CELA3B: variants seen among roughly 807,000 people sequenced by gnomAD.
CELA3B encodes chymotrypsin-like elastase family member 3B.
In CELA3B, 34 loss-of-function variants were observed where a neutral mutation model predicts 37.2. The ratio of observed to expected loss-of-function variants is 0.91; its 90% CI spans 0.70 to 1.22. The LOEUF (loss-of-function observed/expected upper bound fraction) is 1.22. Among genes scored for constraint, CELA3B ranks in the 50% most tolerant of loss-of-function variants. The pLI is 0.00. For missense variants in CELA3B, 340 were observed against 363.1 expected (o/e 0.94, Z 0.52); for synonymous variants, 127 against 143.5 (o/e 0.89, Z 0.82).
chr1:21,982,347 C>A (rs1644810768), intron 4 of CELA3B, among the ~76,000 whole-genome samples: 1 of 152,128 alleles, frequency 6.6e-6, no homozygotes, highest in African/African-American at 2.4e-5. Flanking sequence ...GTAATCCCAG[C>A]ACTGCCGGAG....
At chr1:21,987,890 A>G (rs577202039) in intron 7 of CELA3B, 1 of 151,876 alleles carries the variant, frequency 6.6e-6, no homozygotes, top group Admixed American at 6.5e-5. Context: ...CAAGGATGAC[A>G]TGCAAAGTCA....
In CELA3B at chr1:21,977,055, C is replaced by T; in HGVS notation, c.16C>T (p.Leu6Phe). 1 of 1,614,182 alleles carries T rather than the reference C, an allele frequency of 6.2e-7. No homozygotes were observed. Among genetic ancestry groups the T allele is most frequent in the Non-Finnish European group, 8.5e-7 (1 of 1,180,040 alleles). Reference protein sequence around the residue: MMLRLLSSLLLVAVAS... With the variant: MMLRLFSSLLLVAVAS... ...CGCAAAACTCATGATGCTCCGGCTG[C>T]TCAGTTCCCTCCTCCTTGTGGCCGT... Residue 6 changes from leucine (L) to phenylalanine (F), a missense_variant, in exon 1 of 8, where the codon CTC becomes TTC. Physicochemically the swap from Leu to Phe is conservative, Grantham distance 22. Transcript: ENST00000337107.
downstream of CELA3B, among the ~76,000 whole-genome samples, chr1:21,992,714 G>T (rs535884770): frequency 1.9e-4 from 29 of 151,474 alleles, 1 homozygote; most frequent in African/African-American, 6.8e-4. Context: ...GGTGGCTCAT[G>T]CCTATAATCC....
At chr1:21,990,886 ACT>A (rs2152817608), downstream of CELA3B, among the ~76,000 whole-genome samples, 2 of 63,540 alleles carry the variant, frequency 3.1e-5, no homozygotes, top group Admixed American at 1.3e-4. Flanking sequence ...ACAGAGCAAG[ACT>A]CTGTCTGAAA....
At chr1:21,985,205 C>G (rs1644830583) in intron 6 of CELA3B, among the ~76,000 whole-genome samples, 1 of 151,832 alleles carries the variant, frequency 6.6e-6, no homozygotes, top group African/African-American at 2.4e-5. Context: ...ATTGTTTGAG[C>G]CTGGGAGTTC....
downstream of CELA3B, among the ~76,000 whole-genome samples, chr1:21,990,145 G>A (rs1355675710): frequency 1.4e-5 from 2 of 145,668 alleles, no homozygotes; most frequent in Non-Finnish European, 1.5e-5. Context: ...TGGGGGAACC[G>A]CCCTATGATT....
chr1:21,987,354 G>C (rs756539242), intron 7 of CELA3B: 12 of 200,036 alleles, frequency 6.0e-5, no homozygotes, highest in South Asian at 3.1e-4. Context: ...TCGGGAGGCT[G>C]AGGCAGAGAA....
chr1:21,982,027 A>T (rs143244675), intron 4 of CELA3B, among the ~76,000 whole-genome samples: 1 of 152,064 alleles, frequency 6.6e-6, no homozygotes, highest in Non-Finnish European at 1.5e-5. Flanking sequence ...GCCCTGCCAT[A>T]TGAAAAATTC....
intron 7 of CELA3B, among the ~76,000 whole-genome samples, chr1:21,988,859 C>T (rs1267298843): frequency 1.0e-3 from 159 of 151,936 alleles, no homozygotes; most frequent in African/African-American, 3.7e-3. Context: ...CACTGCACTC[C>T]AGCCTGGGCA....
intron 1 of CELA3B, 122 bp from the exon 2 acceptor site, chr1:21,978,247 G>A (rs1644782797): frequency 1.1e-6 from 1 of 928,276 alleles, no homozygotes; most frequent in Non-Finnish European, 1.7e-6. Flanking sequence ...AGGTCCAGAG[G>A]GCGAAAGGGG....
At chr1:21,998,379 C>A (rs1644900083) in exon 5 of CELA3B, 4 of 344,274 alleles carry the variant, frequency 1.2e-5, no homozygotes, top group Non-Finnish European at 1.8e-5. Flanking sequence ...GCACACAAAA[C>A]CCCCCGCCCC....
At chr1:21,988,618 A>G (rs1466379172) in intron 7 of CELA3B, among the ~76,000 whole-genome samples, 2 of 139,658 alleles carry the variant, frequency 1.4e-5, no homozygotes, top group Non-Finnish European at 3.0e-5. Flanking sequence ...AAAGCCGGGC[A>G]TGGTGGCTCA....
chr1:21,986,630 A>G lies in CELA3B; in HGVS notation c.742A>G (p.Arg248Gly). The part of the protein sequence containing the change: ...FVSAFGCNTR[R>G]KPTVFTRVSA... ...TTCTGCCTTTGGCTGCAACACCCGCAGGAAGCCCACGGTGTTCACTCGAGT... is the reference window on the plus strand; with the variant it reads ...TTCTGCCTTTGGCTGCAACACCCGCGGGAAGCCCACGGTGTTCACTCGAGT... The change falls in exon 7 of 8, where the codon AGG (arginine) becomes GGG (glycine). Residue 248 changes from arginine to glycine, a missense_variant. By Grantham distance (125) the Arg-to-Gly change is moderately radical. Transcript: ENST00000337107. The G allele has an allele frequency of 6.2e-7, 1 of 1,613,544 alleles. No individual in the cohort carries two copies.
intron 2 of CELA3B, among the ~76,000 whole-genome samples, chr1:21,980,555 T>G (rs1644798021): frequency 7.0e-6 from 1 of 143,094 alleles, no homozygotes; most frequent in African/African-American, 2.5e-5. Flanking sequence ...AAACAGAAGG[T>G]AGAGAATGTT....
chr1:21,993,568 G>T (rs1386762621), downstream of CELA3B, among the ~76,000 whole-genome samples: 4 of 150,652 alleles, frequency 2.7e-5, no homozygotes, highest in South Asian at 4.2e-4. Flanking sequence ...TTTTTTCTAC[G>T]CAGTCTCGCT....
chr1:21,994,643 G>A lies in CELA3B; in HGVS notation c.505-3508G>A, dbSNP rs117628002. 1.3e-4 allele frequency among the ~76,000 whole-genome samples: 19 copies of A among 151,112 alleles called. 3 individuals are homozygous for A. In the East Asian group the frequency reaches 3.3e-3, roughly 26 times the overall value. On this transcript the variant is annotated intron_variant, in intron 4 of 4. Transcript: ENST00000400277. ...CGGCAGAAATCCTAAGCCTGAGCTC[G>A]GGTGCATCTCTCTTCAGCTCCCCTG...
chr1:21,995,602 C>T (rs1157276258), intron 4 of CELA3B, among the ~76,000 whole-genome samples: 4 of 151,058 alleles, frequency 2.6e-5, no homozygotes, highest in African/African-American at 7.4e-5. Context: ...ATCCCCTTCC[C>T]TTTTTTTCAT....
intron 6 of CELA3B, among the ~76,000 whole-genome samples, chr1:21,985,173 C>T (rs1423840140): frequency 1.3e-5 from 2 of 152,010 alleles, no homozygotes; most frequent in South Asian, 2.1e-4. Context: ...GTCCCAACTA[C>T]TTGAGAGGCT....
chr1:21,978,758 T>A (rs1569833306), intron 2 of CELA3B, among the ~76,000 whole-genome samples: 1 of 152,084 alleles, frequency 6.6e-6, no homozygotes, highest in East Asian at 1.9e-4. Flanking sequence ...TTTGAGAGAC[T>A]CATTTCTAGA....
Sources: allele counts gnomAD v4.1 joint callset (sites outside exome capture counted in the v4.1 genomes callset), GRCh38; gene constraint gnomAD v4.1.1; transcripts MANE v1.5; gene names NCBI Gene and HGNC (gene_info 2026-07-23, HGNC 2026-07-21).